Variants in GRHL2 observed in about 807,000 individuals in gnomAD.
GRHL2 encodes grainyhead like transcription factor 2.
GRHL2 carries 21 observed loss-of-function variants against 83.8 expected under a neutral mutation model. The ratio of observed to expected loss-of-function variants is 0.25; its 90% CI spans 0.18 to 0.36. The LOEUF (loss-of-function observed/expected upper bound fraction) is 0.36, where lower values mean the gene tolerates loss of function less well. Ranked by LOEUF, GRHL2 falls within the 10% of genes least tolerant of loss-of-function variation. The pLI, the probability that GRHL2 is intolerant of heterozygous loss-of-function variation, is 1.00. For missense variants in GRHL2, 623 were observed against 781.8 expected (o/e 0.80, Z 2.42); for synonymous variants, 280 against 278.9 (o/e 1.00, Z -0.04).
chr8:101,649,658 C>G (rs138895766), intron 14 of GRHL2, among the ~76,000 whole-genome samples, 159 bp downstream of exon 14: 2 of 152,102 alleles, frequency 1.3e-5, no homozygotes, highest in African/African-American at 4.8e-5. Flanking sequence ...TCGCTACTGT[C>G]AAGGCTTATT....
intron 12 of GRHL2, among the ~76,000 whole-genome samples, chr8:101,638,928 C>T (rs1017661075): frequency 1.3e-5 from 2 of 152,232 alleles, no homozygotes; most frequent in African/African-American, 4.8e-5. Flanking sequence ...CTTGGGCCAG[C>T]TCCTTGATCT....
At chr8:101,569,269 T>A (rs1811775442) in intron 4 of GRHL2, among the ~76,000 whole-genome samples, 2 of 152,190 alleles carry the variant, frequency 1.3e-5, no homozygotes, top group African/African-American at 2.4e-5. Flanking sequence ...GTACATACAA[T>A]TGAACATCTT....
intron 11 of GRHL2, among the ~76,000 whole-genome samples, chr8:101,633,480 T>C (rs1813227653): frequency 6.6e-6 from 1 of 152,260 alleles, no homozygotes; most frequent in Non-Finnish European, 1.5e-5. Context: ...CTTTTGGATG[T>C]ATTTTGTCCC....
At chr8:101,560,198 G>A (rs1464561009) in intron 4 of GRHL2, among the ~76,000 whole-genome samples, 2 of 151,942 alleles carry the variant, frequency 1.3e-5, no homozygotes, top group African/African-American at 4.8e-5. Context: ...GTGTGTGTGT[G>A]TGTGTGTTTT....
chr8:101,625,943 T>G (rs1389365236), intron 9 of GRHL2, among the ~76,000 whole-genome samples: 1 of 151,942 alleles, frequency 6.6e-6, no homozygotes, highest in Non-Finnish European at 1.5e-5. Context: ...TCCTGCAGGG[T>G]GTATTCATCG....
At chr8:101,521,077 GA>G (rs371522243) in intron 1 of GRHL2, among the ~76,000 whole-genome samples, 1 of 152,154 alleles carries the variant, frequency 6.6e-6, no homozygotes, top group East Asian at 1.9e-4. Flanking sequence ...CCACCTGTGA[GA>G]AAAAAATACA....
chr8:101,656,356 A>C (rs947839606), intron 14 of GRHL2, among the ~76,000 whole-genome samples: 1 of 152,246 alleles, frequency 6.6e-6, no homozygotes, highest in African/African-American at 2.4e-5. Flanking sequence ...ATCCCCATGA[A>C]CATGGCAGGT....
intron 1 of GRHL2, among the ~76,000 whole-genome samples, chr8:101,512,255 TTTAGTA>T (rs1416942577): frequency 6.6e-6 from 1 of 152,128 alleles, no homozygotes; most frequent in Non-Finnish European, 1.5e-5. Flanking sequence ...TATGAATAAC[TTTAGTA>T]TAGAGTTGAT....
At chr8:101,529,923 T>C (rs910845118) in intron 1 of GRHL2, among the ~76,000 whole-genome samples, 1 of 152,222 alleles carries the variant, frequency 6.6e-6, no homozygotes, top group African/African-American at 2.4e-5. Flanking sequence ...TTCCTGTTGC[T>C]TTAAGCTCAT....
intron 2 of GRHL2, among the ~76,000 whole-genome samples, chr8:101,552,206 T>C (rs769758674): frequency 6.6e-6 from 1 of 152,204 alleles, no homozygotes; most frequent in Non-Finnish European, 1.5e-5. Flanking sequence ...CCAGGTATAC[T>C]GGATGCTTCC....
chr8:101,648,564 C>A (rs1369016559), intron 13 of GRHL2, among the ~76,000 whole-genome samples: 1 of 152,086 alleles, frequency 6.6e-6, no homozygotes, highest in Non-Finnish European at 1.5e-5. Context: ...ATCCATGTTT[C>A]GCAGAGAAGA....
At chr8:101,497,628 C>T (rs908665687) in intron 1 of GRHL2, among the ~76,000 whole-genome samples, 2 of 152,208 alleles carry the variant, frequency 1.3e-5, no homozygotes, top group African/African-American at 4.8e-5. Flanking sequence ...TGGGTCCCAA[C>T]CCAGCAGTGT....
chr8:101,570,913 C>T (rs988128595), intron 5 of GRHL2, among the ~76,000 whole-genome samples: 1 of 152,188 alleles, frequency 6.6e-6, no homozygotes, highest in South Asian at 2.1e-4. Context: ...CAACTTTCTC[C>T]TGAGCTATTG....
At chr8:101,605,720 G>A (rs1456953735) in intron 8 of GRHL2, among the ~76,000 whole-genome samples, 1 of 152,190 alleles carries the variant, frequency 6.6e-6, no homozygotes, top group African/African-American at 2.4e-5. Context: ...ATGTGGGAGT[G>A]AAAACTCCTT....
intron 9 of GRHL2, among the ~76,000 whole-genome samples, chr8:101,620,929 A>C: frequency 6.6e-6 from 1 of 151,792 alleles, no homozygotes; most frequent in East Asian, 1.9e-4. Context: ...CCTGCTTTGG[A>C]GAAAAAAAAA....
intron 12 of GRHL2, among the ~76,000 whole-genome samples, chr8:101,642,464 T>C (rs576224391): frequency 6.6e-6 from 1 of 152,336 alleles, no homozygotes; most frequent in East Asian, 1.9e-4. Context: ...TATTTACCTA[T>C]GATTAACCTA....
chr8:101,540,496 A>G (rs1477183008), intron 1 of GRHL2, among the ~76,000 whole-genome samples: 1 of 152,180 alleles, frequency 6.6e-6, no homozygotes, highest in Admixed American at 6.5e-5. Context: ...TTTCCTTCCA[A>G]TCAGTTTCAC....
At chr8:101,579,604 CA>C (rs1812007559) in intron 7 of GRHL2, among the ~76,000 whole-genome samples, 1 of 152,206 alleles carries the variant, frequency 6.6e-6, no homozygotes, top group African/African-American at 2.4e-5. Context: ...GTCTCTACCC[CA>C]ATCTCAACCT....
chr8:101,583,899 A>G (rs538137042), intron 7 of GRHL2, among the ~76,000 whole-genome samples: 1 of 152,368 alleles, frequency 6.6e-6, no homozygotes, highest in East Asian at 1.9e-4. Context: ...TTCTCCCTAC[A>G]GAAGAGAACT....
Sources: allele counts gnomAD v4.1 joint callset (sites outside exome capture counted in the v4.1 genomes callset), GRCh38; gene constraint gnomAD v4.1.1; transcripts MANE v1.5; gene names NCBI Gene and HGNC (gene_info 2026-07-23, HGNC 2026-07-21).